Variants in XCR1 observed in about 807,000 individuals in gnomAD.
XCR1 encodes chemokine XC receptor 1.
For missense variants in XCR1, 356 were observed against 424.2 expected, an observed-to-expected ratio of 0.84 and a Z score of 1.41; for synonymous variants, 187 against 188.5, an observed-to-expected ratio of 0.99 and a Z score of 0.06.
intron 3 of XCR1, among the ~76,000 whole-genome samples, chr3:46,068,961 T>A (rs1048084893): frequency 6.6e-6 from 1 of 152,172 alleles, no homozygotes; most frequent in Non-Finnish European, 1.5e-5. Context: ...GCTGAAAATC[T>A]GTACCAAGTG....
chr3:46,027,904 G>A (rs1204973032), upstream of XCR1, among the ~76,000 whole-genome samples: 1 of 152,086 alleles, frequency 6.6e-6, no homozygotes, highest in Admixed American at 6.5e-5. Context: ...AAAGTGTAAC[G>A]TCACTTCAGC....
upstream of XCR1, among the ~76,000 whole-genome samples, chr3:46,031,338 T>C (rs1364137418): frequency 6.6e-6 from 1 of 152,242 alleles, no homozygotes. Flanking sequence ...GCTGTTTGGC[T>C]TCTCCCCACT....
chr3:46,066,347 C>T (rs1397759193), intron 4 of XCR1, among the ~76,000 whole-genome samples: 8 of 152,144 alleles, frequency 5.3e-5, no homozygotes, highest in South Asian at 4.1e-4. Flanking sequence ...CGGGTTCAAG[C>T]GATTCTCCTG....
chr3:46,029,143 T>C (rs2125895254), upstream of XCR1, among the ~76,000 whole-genome samples: 1 of 152,332 alleles, frequency 6.6e-6, no homozygotes, highest in African/African-American at 2.4e-5. Flanking sequence ...CTATTCAAGA[T>C]TGGAGACATA....
At chr3:46,053,413 A>T (rs2125899658) in intron 5 of XCR1, among the ~76,000 whole-genome samples, 1 of 151,294 alleles carries the variant, frequency 6.6e-6, no homozygotes, top group Non-Finnish European at 1.5e-5. Context: ...CCACCGAAGG[A>T]GGCGGTACAG....
chr3:46,083,838 G>A (rs1698421870), intron 1 of XCR1, among the ~76,000 whole-genome samples: 1 of 152,202 alleles, frequency 6.6e-6, no homozygotes, highest in Admixed American at 6.5e-5. Flanking sequence ...AATCAGGGAA[G>A]AAGCTGCTTG....
At chr3:46,032,603 G>A (rs1708418156) in intron 5 of XCR1, among the ~76,000 whole-genome samples, 1 of 152,144 alleles carries the variant, frequency 6.6e-6, no homozygotes, top group Admixed American at 6.5e-5. Context: ...GAAAACTTGG[G>A]CAAAGGCACC....
At chr3:46,030,149 G>T (rs1166903996), upstream of XCR1, among the ~76,000 whole-genome samples, 2 of 151,652 alleles carry the variant, frequency 1.3e-5, no homozygotes, top group Non-Finnish European at 2.9e-5. Context: ...TTCCAATCTG[G>T]GTACTTTTCC....
intron 4 of XCR1, among the ~76,000 whole-genome samples, chr3:46,064,842 A>G (rs1698033031): frequency 6.6e-6 from 1 of 152,218 alleles, no homozygotes; most frequent in Admixed American, 6.5e-5. Flanking sequence ...CTGTAATCCC[A>G]GCACTGTGGG....
intron 5 of XCR1, among the ~76,000 whole-genome samples, chr3:46,032,956 T>C (rs1708427021): frequency 6.6e-6 from 1 of 152,230 alleles, no homozygotes; most frequent in South Asian, 2.1e-4. Context: ...AGATATTTTG[T>C]CCATTTTCTA....
chr3:46,081,706 TAA>T (rs71619625), intron 1 of XCR1, among the ~76,000 whole-genome samples: 14,019 of 149,716 alleles, frequency 0.094, 2,163 homozygotes, highest in African/African-American at 0.32. Flanking sequence ...TTTTTTTTTT[TAA>T]AAATCTTATT....
intron 3 of XCR1, among the ~76,000 whole-genome samples, chr3:46,073,069 T>C (rs979582449): frequency 6.6e-6 from 1 of 152,130 alleles, no homozygotes; most frequent in Non-Finnish European, 1.5e-5. Context: ...AATTGCGATA[T>C]GCAGAAGAAT....
chr3:46,074,504 T>C (rs1346910388), intron 3 of XCR1, among the ~76,000 whole-genome samples: 1 of 152,112 alleles, frequency 6.6e-6, no homozygotes, highest in Non-Finnish European at 1.5e-5. Flanking sequence ...TGAGAAATTA[T>C]TTAATGGGTA....
chr3:46,061,711 A>G (rs1014478526), intron 4 of XCR1, among the ~76,000 whole-genome samples: 5 of 152,080 alleles, frequency 3.3e-5, no homozygotes, highest in African/African-American at 1.2e-4. Flanking sequence ...AGGGGAAAGG[A>G]ATATGGGGAG....
At chr3:46,058,939 T>C (rs936576428) in intron 4 of XCR1, among the ~76,000 whole-genome samples, 12 of 152,114 alleles carry the variant, frequency 7.9e-5, no homozygotes, top group African/African-American at 2.9e-4. Flanking sequence ...TGGGGACATA[T>C]GAAAAGATCC....
chr3:46,043,541 G>A (rs533495476), intron 5 of XCR1, among the ~76,000 whole-genome samples: 91 of 151,982 alleles, frequency 6.0e-4, no homozygotes, highest in African/African-American at 2.1e-3. Flanking sequence ...TATACTCACT[G>A]GTAAAAGATT....
At chr3:46,063,881 A>AT (rs1698012030) in intron 4 of XCR1, among the ~76,000 whole-genome samples, 1 of 152,020 alleles carries the variant, frequency 6.6e-6, no homozygotes, top group African/African-American at 2.4e-5. Flanking sequence ...TATTACTAAT[A>AT]TTTTTTGAGA....
chr3:46,054,581 G>A (rs573841387), intron 4 of XCR1, among the ~76,000 whole-genome samples: 112 of 152,024 alleles, frequency 7.4e-4, no homozygotes, highest in African/African-American at 2.7e-3. Flanking sequence ...TACTGTTACC[G>A]AAACACCAGG....
At chr3:46,033,677 G>T (rs1256361573) in intron 5 of XCR1, among the ~76,000 whole-genome samples, 6 of 152,114 alleles carry the variant, frequency 3.9e-5, no homozygotes, top group African/African-American at 1.4e-4. Context: ...ATAAGCTTTA[G>T]AATCAGTTTG....
Sources: gnomAD v4.1 joint callset for allele counts (sites outside exome capture counted in the v4.1 genomes callset) on GRCh38, gnomAD v4.1.1 for gene constraint, MANE v1.5 for transcripts, NCBI Gene and HGNC (gene_info 2026-07-23, HGNC 2026-07-21) for gene names.